PDE8A: variants seen among roughly 807,000 people sequenced by gnomAD.
PDE8A encodes the protein phosphodiesterase 8A.
Under a neutral mutation model 105.0 loss-of-function variants are expected in PDE8A, and 59 were observed. That is an observed-to-expected ratio of 0.56 (90% CI 0.46 to 0.70). The LOEUF (loss-of-function observed/expected upper bound fraction) is 0.70, where lower values mean the gene tolerates loss of function less well. Ranked by LOEUF, PDE8A falls within the 30% of genes least tolerant of loss-of-function variation. The pLI is 0.00. For synonymous variants in PDE8A, 355 were observed against 371.9 expected, an observed-to-expected ratio of 0.95 and a Z score of 0.52; for missense variants, 1,014 against 1,045.9, an observed-to-expected ratio of 0.97 and a Z score of 0.42.
At position 85,120,934 on chromosome 15, in the gene PDE8A, G is replaced by A; in HGVS notation, c.1872G>A (p.Val624=). ...ELAILYNDTA[V]LESHHAALAF... Reference sequence around the variant, plus strand: ...CCATTTTGTACAATGACACTGCTGTGCTGGAGAGCCACCATGCGGCCTTGG... The same window carrying A: ...CCATTTTGTACAATGACACTGCTGTACTGGAGAGCCACCATGCGGCCTTGG... The change falls in exon 18 of 22, where the codon GTG becomes GTA. Residue 624 remains valine, a synonymous_variant. Transcript: ENST00000394553. 6.2e-7 allele frequency: 1 copy of A among 1,614,150 alleles called. No individual in the cohort carries two copies.
intron 1 of PDE8A, among the ~76,000 whole-genome samples, chr15:84,983,705 C>A (rs1238552356): frequency 6.6e-6 from 1 of 152,232 alleles, no homozygotes; most frequent in Non-Finnish European, 1.5e-5. Context: ...TACACAGGTG[C>A]ATATGGAAAC....
upstream of PDE8A, chr15:84,980,789 C>G (rs1157495621): frequency 1.2e-4 from 19 of 152,332 alleles, no homozygotes; most frequent in African/African-American, 4.3e-4. Context: ...TCCCCTGGCT[C>G]TGCCTTTGGG....
At chr15:85,052,957 G>T (rs148707838) in intron 1 of PDE8A, among the ~76,000 whole-genome samples, 12,738 of 152,180 alleles carry the variant, frequency 0.084, 942 homozygotes, top group East Asian at 0.27. Flanking sequence ...TATGGTTTTA[G>T]GTCTAACATT....
At chr15:85,009,864 A>C (rs1369352525) in intron 1 of PDE8A, among the ~76,000 whole-genome samples, 1 of 152,270 alleles carries the variant, frequency 6.6e-6, no homozygotes, top group Non-Finnish European at 1.5e-5. Context: ...CGTACTAGCT[A>C]AAAACTAGAA....
In PDE8A at chr15:85,100,042, C is replaced by CA. The variant is rs1567284912; in HGVS notation, c.970dup (p.Arg324LysfsTer8). 6.2e-7 allele frequency: 1 copy of CA among 1,613,554 alleles called. No homozygotes were observed. On this transcript the variant is annotated frameshift_variant, in exon 10 of 22. Coordinates refer to ENST00000394553, the MANE Select transcript of PDE8A (RefSeq NM_002605.3). LOFTEE classifies it high-confidence loss of function. Reference sequence around the variant, plus strand: ...AAATTAGACACTATGTGTCCATTATCAGAGTGTGCAATGGCAACAATAAGG... The same window carrying CA: ...AAATTAGACACTATGTGTCCATTATCAAGAGTGTGCAATGGCAACAATAAGG...
chr15:85,100,957 A>C (rs560384098), intron 11 of PDE8A, among the ~76,000 whole-genome samples: 1 of 152,210 alleles, frequency 6.6e-6, no homozygotes, highest in African/African-American at 2.4e-5. Context: ...TTACCAGAAC[A>C]GTTCATTCTT....
At chr15:85,036,846 C>T (rs188192240) in intron 1 of PDE8A, among the ~76,000 whole-genome samples, 2 of 152,150 alleles carry the variant, frequency 1.3e-5, no homozygotes, top group African/African-American at 2.4e-5. Context: ...AATGAGAAGT[C>T]GTCTTCTAAC....
chr15:85,091,032 G>A lies in PDE8A; in HGVS notation c.715-12G>A, dbSNP rs752823743. Reference sequence around the variant, plus strand: ...TAATTCACTTTATGTTTTTTCTTTTGTCTCCCTTCAGTATGCAAATCCTGC... The same window carrying A: ...TAATTCACTTTATGTTTTTTCTTTTATCTCCCTTCAGTATGCAAATCCTGC... On this transcript the variant is annotated splice_polypyrimidine_tract_variant and intron_variant, in intron 7 of 21. Coordinates refer to ENST00000394553, the MANE Select transcript of PDE8A (RefSeq NM_002605.3). The A allele has an allele frequency of 2.5e-6, 4 of 1,590,286 alleles. No individual in the cohort carries two copies. The highest frequency in any genetic ancestry group is 2.6e-6 in the Non-Finnish European group (3 of 1,170,310).
intron 21 of PDE8A, 85 bp from the exon 22 acceptor site, chr15:85,137,712 G>C: frequency 1.2e-6 from 1 of 864,134 alleles, no homozygotes; most frequent in Non-Finnish European, 1.9e-6. Context: ...GCTCCCATCT[G>C]TCACTCTTTA....
At chr15:85,017,864 G>A (rs1285061340) in intron 1 of PDE8A, among the ~76,000 whole-genome samples, 1 of 92,974 alleles carries the variant, frequency 1.1e-5, no homozygotes, top group East Asian at 3.0e-4. Flanking sequence ...TCCAGCCTGA[G>A]CAACAGGAGC....
intron 1 of PDE8A, among the ~76,000 whole-genome samples, chr15:84,996,113 C>G (rs564015286): frequency 6.6e-6 from 1 of 152,036 alleles, no homozygotes; most frequent in African/African-American, 2.4e-5. Flanking sequence ...ATTTTGACCT[C>G]TCATGTGCAT....
chr15:85,023,778 C>A (rs1409252054), intron 1 of PDE8A, among the ~76,000 whole-genome samples: 1 of 151,984 alleles, frequency 6.6e-6, no homozygotes, highest in Non-Finnish European at 1.5e-5. Flanking sequence ...ATTGACACCA[C>A]CAGGTTGATG....
chr15:85,045,469 A>C (rs1407979034), intron 1 of PDE8A, among the ~76,000 whole-genome samples: 1 of 152,204 alleles, frequency 6.6e-6, no homozygotes, highest in Non-Finnish European at 1.5e-5. Flanking sequence ...CAACTATTTG[A>C]CCATACTTCT....
intron 16 of PDE8A, among the ~76,000 whole-genome samples, chr15:85,116,964 C>A (rs781081875): frequency 2.6e-5 from 4 of 152,232 alleles, no homozygotes; most frequent in East Asian, 3.8e-4. Flanking sequence ...TGGGCTAAGG[C>A]AGGTCAGTTT....
intron 1 of PDE8A, among the ~76,000 whole-genome samples, chr15:84,999,531 A>C (rs1159042384): frequency 6.6e-6 from 1 of 151,726 alleles, no homozygotes; most frequent in Non-Finnish European, 1.5e-5. Context: ...GTGATGATGA[A>C]TAAGACATGG....
intron 6 of PDE8A, among the ~76,000 whole-genome samples, chr15:85,088,123 A>G (rs2081583715): frequency 6.6e-6 from 1 of 152,080 alleles, no homozygotes; most frequent in African/African-American, 2.4e-5. Context: ...GGTTCAAGAG[A>G]TTCTCCTGCC....
intron 1 of PDE8A, among the ~76,000 whole-genome samples, chr15:85,048,407 CAG>C (rs1361876958): frequency 6.6e-6 from 1 of 151,896 alleles, no homozygotes; most frequent in Non-Finnish European, 1.5e-5. Context: ...AGTATTCTGT[CAG>C]AGACTGAGAC....
At chr15:85,077,413 T>C (rs2081394940) in intron 5 of PDE8A, among the ~76,000 whole-genome samples, 1 of 152,182 alleles carries the variant, frequency 6.6e-6, no homozygotes, top group African/African-American at 2.4e-5. Flanking sequence ...TGGGCAGATT[T>C]GTAGCCCAGG....
At chr15:84,995,999 T>G (rs577978403) in intron 1 of PDE8A, among the ~76,000 whole-genome samples, 42 of 152,248 alleles carry the variant, frequency 2.8e-4, no homozygotes, top group Non-Finnish European at 5.6e-4. Flanking sequence ...GACATTTGAA[T>G]GTCCTCTTCT....
Sources: gnomAD v4.1 joint callset for allele counts (sites outside exome capture counted in the v4.1 genomes callset) on GRCh38, gnomAD v4.1.1 for gene constraint, MANE v1.5 for transcripts, NCBI Gene and HGNC (gene_info 2026-07-23, HGNC 2026-07-21) for gene names.